The following PACRG variants were observed in gnomAD, a reference collection of about 807,000 sequenced individuals.
The protein encoded by PACRG is parkin coregulated.
Under a neutral mutation model 29.7 loss-of-function variants are expected in PACRG, and 29 were observed. That is an observed-to-expected ratio of 0.98 (90% CI 0.73 to 1.33). The LOEUF is 1.33. PACRG is among the 40% of genes most tolerant of loss of function. The pLI is 0.00. For synonymous variants in PACRG, 116 were observed against 118.7 expected (o/e 0.98, Z 0.15); for missense variants, 279 against 316.2 (o/e 0.88, Z 0.89).
intron 4 of PACRG, chr6:163,166,353 G>A: frequency 2.6e-6 from 1 of 383,462 alleles, no homozygotes; most frequent in Non-Finnish European, 5.3e-6. Flanking sequence ...TTGGTATATT[G>A]ATACCCCAAG....
At chr6:163,131,411 G>A (rs1398148416) in intron 4 of PACRG, among the ~76,000 whole-genome samples, 9 of 152,232 alleles carry the variant, frequency 5.9e-5, no homozygotes, top group Admixed American at 6.5e-5. Context: ...AGAATGCCCC[G>A]TGAAGATGGA....
intron 4 of PACRG, among the ~76,000 whole-genome samples, chr6:163,202,821 C>A (rs1257525021): frequency 6.6e-6 from 1 of 152,170 alleles, no homozygotes; most frequent in Non-Finnish European, 1.5e-5. Context: ...AGTACTTTCA[C>A]ATGGAGTTAT....
At chr6:162,900,705 C>T (rs1169201728) in intron 2 of PACRG, among the ~76,000 whole-genome samples, 2 of 152,172 alleles carry the variant, frequency 1.3e-5, no homozygotes, top group African/African-American at 2.4e-5. Context: ...ATCCCCCAAG[C>T]GTGCCAAGCG....
chr6:162,935,358 T>G (rs1177678060), intron 2 of PACRG, among the ~76,000 whole-genome samples: 2 of 151,784 alleles, frequency 1.3e-5, no homozygotes, highest in East Asian at 3.9e-4. Context: ...TGATGTCCCA[T>G]GTGTCGGATA....
At chr6:163,101,160 C>T in intron 4 of PACRG, 1 of 984,450 alleles carries the variant, frequency 1.0e-6, no homozygotes, top group South Asian at 4.7e-5. Context: ...CTGCCCCCGC[C>T]CCCCAAAAAA....
At chr6:162,896,763 C>G (rs925641605) in intron 2 of PACRG, among the ~76,000 whole-genome samples, 2 of 152,250 alleles carry the variant, frequency 1.3e-5, no homozygotes, top group Admixed American at 6.5e-5. Flanking sequence ...TGTCTTATGC[C>G]TTTTAATATA....
chr6:162,912,159 T>C (rs1475016232), intron 2 of PACRG, among the ~76,000 whole-genome samples: 5 of 152,236 alleles, frequency 3.3e-5, no homozygotes, highest in African/African-American at 1.2e-4. Flanking sequence ...GTATATTTTG[T>C]CTGTTGCTAA....
At chr6:163,072,558 C>T (rs1035494989) in intron 3 of PACRG, among the ~76,000 whole-genome samples, 6 of 151,980 alleles carry the variant, frequency 3.9e-5, no homozygotes, top group African/African-American at 7.2e-5. Context: ...CACGACAGAG[C>T]GCCCACTTTC....
intron 2 of PACRG, among the ~76,000 whole-genome samples, chr6:162,967,006 T>G (rs1226316154): frequency 2.0e-5 from 3 of 152,228 alleles, no homozygotes; most frequent in Non-Finnish European, 1.5e-5. Context: ...CAGGGCAACT[T>G]ACACCTAGCC....
chr6:163,027,906 G>A (rs1426883008), intron 2 of PACRG, among the ~76,000 whole-genome samples: 2 of 152,164 alleles, frequency 1.3e-5, no homozygotes, highest in Non-Finnish European at 2.9e-5. Context: ...GTAATAAGGG[G>A]CCAGGACTCT....
intron 2 of PACRG, among the ~76,000 whole-genome samples, chr6:162,891,327 G>T (rs542962302): frequency 3.9e-5 from 6 of 152,292 alleles, no homozygotes; most frequent in African/African-American, 1.4e-4. Flanking sequence ...CTAAGTAGAA[G>T]GAAAACCCTT....
At chr6:162,894,391 A>G (rs1795009909) in intron 2 of PACRG, among the ~76,000 whole-genome samples, 1 of 152,212 alleles carries the variant, frequency 6.6e-6, no homozygotes, top group Admixed American at 6.5e-5. Context: ...CTAAGATATA[A>G]TGGTCTTTTG....
intron 4 of PACRG, among the ~76,000 whole-genome samples, chr6:163,313,186 G>C (rs1418821060): frequency 1.3e-5 from 2 of 151,834 alleles, no homozygotes; most frequent in Non-Finnish European, 2.9e-5. Context: ...CTTTACCTGT[G>C]ACAGCACAAA....
chr6:162,781,646 G>A (rs1203143481), intron 1 of PACRG, among the ~76,000 whole-genome samples: 3 of 151,710 alleles, frequency 2.0e-5, no homozygotes, highest in Non-Finnish European at 4.4e-5. Context: ...AAAGTATATT[G>A]TTGTAAGGTT....
chr6:162,926,195 G>A (rs920775982), intron 2 of PACRG, among the ~76,000 whole-genome samples: 1 of 152,102 alleles, frequency 6.6e-6, no homozygotes, highest in African/African-American at 2.4e-5. Flanking sequence ...CTCATGGATA[G>A]GAAGAATCAA....
intron 1 of PACRG, among the ~76,000 whole-genome samples, chr6:162,739,933 T>A (rs1370226075): frequency 6.6e-6 from 1 of 152,158 alleles, no homozygotes; most frequent in Non-Finnish European, 1.5e-5. Flanking sequence ...TTTATTCTTA[T>A]AATGTTCACA....
intron 4 of PACRG, among the ~76,000 whole-genome samples, chr6:163,102,329 A>G (rs1815141620): frequency 6.6e-6 from 1 of 152,208 alleles, no homozygotes; most frequent in Non-Finnish European, 1.5e-5. Flanking sequence ...TAAATGGCAA[A>G]AAGAGTGCTG....
intron 3 of PACRG, among the ~76,000 whole-genome samples, chr6:163,078,300 A>C (rs1812733942): frequency 6.6e-6 from 1 of 152,152 alleles, no homozygotes; most frequent in Non-Finnish European, 1.5e-5. Flanking sequence ...CAGAAGTTCA[A>C]AACCAGCCTG....
At chr6:163,235,767 C>T (rs532089232) in intron 4 of PACRG, among the ~76,000 whole-genome samples, 2 of 152,264 alleles carry the variant, frequency 1.3e-5, no homozygotes, top group African/African-American at 4.8e-5. Flanking sequence ...AATTTCCTTA[C>T]ACTCCTCCAA....
Sources: allele counts gnomAD v4.1 joint callset (sites outside exome capture counted in the v4.1 genomes callset), GRCh38; gene constraint gnomAD v4.1.1; transcripts MANE v1.5; gene names NCBI Gene and HGNC (gene_info 2026-07-23, HGNC 2026-07-21).